Variants in ERC2 observed in about 807,000 individuals in gnomAD.
ERC2 encodes ELKS/RAB6-interacting/CAST family member 2, also known as ERC protein 2.
ERC2 carries 42 observed loss-of-function variants against 114.8 expected under a neutral mutation model. That is an observed-to-expected ratio of 0.37 (90% CI 0.29 to 0.47). The LOEUF is 0.47. Among genes scored for constraint, ERC2 ranks in the 20% least tolerant of loss-of-function variants. The pLI, the probability that ERC2 is intolerant of heterozygous loss-of-function variation, is 0.99. For missense variants in ERC2, 939 were observed against 1,150.7 expected (o/e 0.82, Z 2.66); for synonymous variants, 454 against 425.5 (o/e 1.07, Z -0.82).
chr3:55,650,073 G>A (rs956237442), intron 17 of ERC2, among the ~76,000 whole-genome samples: 1 of 152,172 alleles, frequency 6.6e-6, no homozygotes, highest in African/African-American at 2.4e-5. Flanking sequence ...CTGTGAAACA[G>A]AGGATTGTGT....
At chr3:56,099,250 T>C (rs542461820) in intron 6 of ERC2, among the ~76,000 whole-genome samples, 2 of 152,326 alleles carry the variant, frequency 1.3e-5, no homozygotes, top group South Asian at 4.1e-4. Context: ...TGCAACACCT[T>C]GATTTCTGAT....
chr3:55,736,262 C>T (rs1486226711), intron 14 of ERC2, among the ~76,000 whole-genome samples: 1 of 152,212 alleles, frequency 6.6e-6, no homozygotes, highest in Non-Finnish European at 1.5e-5. Flanking sequence ...GCTAATCAGC[C>T]ATGACAACCT....
chr3:55,981,885 G>T (rs571244220), intron 12 of ERC2, among the ~76,000 whole-genome samples: 3 of 152,072 alleles, frequency 2.0e-5, no homozygotes, highest in South Asian at 2.1e-4. Flanking sequence ...CAAACCCAAT[G>T]GTTGCTCCTT....
rs534939921 is a variant in ERC2, at chr3:56,007,109, AC to A, written c.2061+71del. ...ATAAGGGGTTTGTTTCTTTTTAAAA[AC>A]GTCTCTTCCTGTTCCATTTTATAAA... On this transcript the variant is annotated intron_variant, in intron 10 of 17. Coordinates refer to ENST00000288221, the MANE Select transcript of ERC2 (RefSeq NM_015576.3). 4.3e-5 allele frequency: 60 copies of A among 1,380,856 alleles called. No individual in the cohort carries two copies. The East Asian group carries it at 1.1e-3, about 24-fold the overall frequency. 85.5% of individuals were successfully genotyped at this position (1,380,856 alleles called of 1,614,324 possible).
At chr3:55,833,708 G>C (rs2060728586) in intron 14 of ERC2, among the ~76,000 whole-genome samples, 1 of 152,196 alleles carries the variant, frequency 6.6e-6, no homozygotes, top group Admixed American at 6.5e-5. Context: ...CAACTAACGA[G>C]CAAAATCACC....
chr3:55,829,180 A>AT (rs2060465154), intron 14 of ERC2, among the ~76,000 whole-genome samples: 1 of 152,210 alleles, frequency 6.6e-6, no homozygotes, highest in African/African-American at 2.4e-5. Context: ...AGTGTAACCA[A>AT]TTTTGAAAGG....
At chr3:55,879,189 C>T (rs1036882191) in intron 14 of ERC2, among the ~76,000 whole-genome samples, 25 of 136,984 alleles carry the variant, frequency 1.8e-4, no homozygotes, top group South Asian at 2.2e-4. Flanking sequence ...GTTTCATCTA[C>T]GTGACAGGGC....
At chr3:56,215,573 A>G (rs2049404600) in intron 3 of ERC2, among the ~76,000 whole-genome samples, 1 of 152,220 alleles carries the variant, frequency 6.6e-6, no homozygotes, top group African/African-American at 2.4e-5. Flanking sequence ...TGTCAACATT[A>G]GACAGATCAA....
chr3:55,809,329 G>T (rs1268726777), intron 14 of ERC2, among the ~76,000 whole-genome samples: 1 of 152,090 alleles, frequency 6.6e-6, no homozygotes, highest in African/African-American at 2.4e-5. Flanking sequence ...TCTAGGCAAG[G>T]ATTATATGGC....
At chr3:55,637,580 G>A (rs2060009689) in intron 17 of ERC2, among the ~76,000 whole-genome samples, 1 of 152,178 alleles carries the variant, frequency 6.6e-6, no homozygotes, top group African/African-American at 2.4e-5. Flanking sequence ...TAAAATCCAA[G>A]TCTCTGCCCC....
chr3:56,448,726 A>G (rs1045228519), intron 1 of ERC2, among the ~76,000 whole-genome samples: 3 of 152,220 alleles, frequency 2.0e-5, no homozygotes, highest in Non-Finnish European at 4.4e-5. Flanking sequence ...GCAGCCGTAG[A>G]CAATTTGAAA....
intron 15 of ERC2, among the ~76,000 whole-genome samples, chr3:55,732,811 C>T (rs918932486): frequency 6.6e-6 from 1 of 152,188 alleles, no homozygotes; most frequent in Non-Finnish European, 1.5e-5. Flanking sequence ...TTGGTATATA[C>T]ACAATAAATG....
chr3:55,954,081 T>TTAAAAAA (rs1390720369), intron 12 of ERC2, among the ~76,000 whole-genome samples: 11 of 50,360 alleles, frequency 2.2e-4, no homozygotes, highest in African/African-American at 8.5e-4. Context: ...CTCCATTATT[T>TTAAAAAA]AAAAAAAAAA....
chr3:56,005,353 T>C (rs980071206), intron 10 of ERC2, among the ~76,000 whole-genome samples: 1 of 152,052 alleles, frequency 6.6e-6, no homozygotes, highest in Non-Finnish European at 1.5e-5. Flanking sequence ...AATTTCAGTG[T>C]GTGGTGTCTA....
intron 2 of ERC2, among the ~76,000 whole-genome samples, chr3:56,359,733 A>G (rs1176005008): frequency 6.6e-6 from 1 of 152,238 alleles, no homozygotes; most frequent in Non-Finnish European, 1.5e-5. Flanking sequence ...GAGCCTCTAG[A>G]AGATTCCACC....
chr3:56,313,304 T>TA (rs1310404309), intron 2 of ERC2, among the ~76,000 whole-genome samples: 2 of 151,852 alleles, frequency 1.3e-5, no homozygotes, highest in Non-Finnish European at 2.9e-5. Context: ...GTGAATATAC[T>TA]AAAAATCACT....
At chr3:55,869,401 C>A (rs1451074587) in intron 14 of ERC2, among the ~76,000 whole-genome samples, 1 of 152,166 alleles carries the variant, frequency 6.6e-6, no homozygotes, top group Admixed American at 6.5e-5. Flanking sequence ...TTCAGCAGAA[C>A]CTTCCAGAAC....
chr3:56,302,905 C>T (rs573987358), intron 2 of ERC2, among the ~76,000 whole-genome samples: 3 of 152,340 alleles, frequency 2.0e-5, no homozygotes, highest in African/African-American at 7.2e-5. Flanking sequence ...CCAGGTGATC[C>T]AATCTCATGC....
At chr3:55,832,698 C>T (rs547138177) in intron 14 of ERC2, among the ~76,000 whole-genome samples, 2 of 152,316 alleles carry the variant, frequency 1.3e-5, no homozygotes, top group East Asian at 1.9e-4. Context: ...AAAAGCAGAG[C>T]GCCTCTCCTC....
Sources: gnomAD v4.1 joint callset for allele counts (sites outside exome capture counted in the v4.1 genomes callset) on GRCh38, gnomAD v4.1.1 for gene constraint, MANE v1.5 for transcripts, NCBI Gene and HGNC (gene_info 2026-07-23, HGNC 2026-07-21) for gene names.